FAF1: variants seen among roughly 807,000 people sequenced by gnomAD.
FAF1 encodes FAS-associated factor 1.
FAF1 carries 25 observed loss-of-function variants against 92.5 expected under a neutral mutation model. The ratio of observed to expected loss-of-function variants is 0.27; its 90% confidence interval spans 0.20 to 0.38. FAF1 has a LOEUF of 0.38. Among genes scored for constraint, FAF1 ranks in the 10% least tolerant of loss-of-function variants. FAF1 has a pLI of 1.00. For missense variants in FAF1, 636 were observed against 793.3 expected (o/e 0.80, Z 2.38); for synonymous variants, 234 against 273.2 (o/e 0.86, Z 1.42).
At chr1:50,611,325 A>C (rs922555334) in intron 8 of FAF1, among the ~76,000 whole-genome samples, 1 of 152,186 alleles carries the variant, frequency 6.6e-6, no homozygotes, top group African/African-American at 2.4e-5. Flanking sequence ...TCATTAGACA[A>C]GGTAGATATT....
chr1:50,600,508 T>C, intron 8 of FAF1, among the ~76,000 whole-genome samples: 1 of 152,132 alleles, frequency 6.6e-6, no homozygotes, highest in East Asian at 1.9e-4. Flanking sequence ...AGAAAGCTCC[T>C]TGCCACATAT....
intron 7 of FAF1, among the ~76,000 whole-genome samples, chr1:50,686,628 G>A (rs191451335): frequency 2.0e-5 from 3 of 150,254 alleles, no homozygotes; most frequent in African/African-American, 7.3e-5. Flanking sequence ...GGGGAGCGGG[G>A]GAGAGCGGAG....
chr1:50,856,486 C>T (rs1305087974), intron 2 of FAF1, among the ~76,000 whole-genome samples: 1 of 151,692 alleles, frequency 6.6e-6, no homozygotes, highest in African/African-American at 2.4e-5. Context: ...AATTTAGAGT[C>T]AAGCTATACA....
chr1:50,912,242 G>A (rs1443640303), intron 1 of FAF1, among the ~76,000 whole-genome samples: 18 of 152,202 alleles, frequency 1.2e-4, no homozygotes, highest in East Asian at 1.9e-4. Flanking sequence ...AAGTGTTTAC[G>A]GTGTTGTCCT....
At chr1:50,871,478 A>C (rs928954872) in intron 1 of FAF1, among the ~76,000 whole-genome samples, 1 of 152,186 alleles carries the variant, frequency 6.6e-6, no homozygotes, top group African/African-American at 2.4e-5. Context: ...GGTGACTTTC[A>C]ACTGAAGCCA....
At chr1:50,867,582 CT>C (rs1358540422) in intron 1 of FAF1, among the ~76,000 whole-genome samples, 2 of 152,032 alleles carry the variant, frequency 1.3e-5, no homozygotes, top group African/African-American at 4.8e-5. Context: ...TGAAAAAATG[CT>C]TGACATCACT....
At chr1:50,617,779 T>C (rs1652996543) in intron 8 of FAF1, among the ~76,000 whole-genome samples, 1 of 150,388 alleles carries the variant, frequency 6.6e-6, no homozygotes, top group Admixed American at 6.6e-5. Context: ...TGTGACTCCA[T>C]CTGGTCCAGT....
chr1:50,900,417 A>G lies in FAF1; in HGVS notation c.46-42420T>C, dbSNP rs550048822. 2.0e-5 allele frequency among the ~76,000 whole-genome samples: 3 copies of G among 152,262 alleles called. No homozygotes were observed. The South Asian group carries it at 6.2e-4, about 32-fold the overall frequency. ...CAATGGTGATTATTGTTTTCTTCTTAATTCCCTGCATTAAACAGAGTTATG... is the reference window on the plus strand; with the variant it reads ...CAATGGTGATTATTGTTTTCTTCTTGATTCCCTGCATTAAACAGAGTTATG... On this transcript the variant is annotated intron_variant, in intron 1 of 18. Coordinates refer to ENST00000396153, the MANE Select transcript of FAF1 (RefSeq NM_007051.3).
chr1:50,798,546 C>T (rs1307212681), intron 3 of FAF1, among the ~76,000 whole-genome samples: 1 of 152,170 alleles, frequency 6.6e-6, no homozygotes, highest in Non-Finnish European at 1.5e-5. Flanking sequence ...TACACAGACT[C>T]AGTGTCTGTT....
intron 1 of FAF1, among the ~76,000 whole-genome samples, chr1:50,881,686 T>A (rs1172723450): frequency 6.6e-6 from 1 of 152,174 alleles, no homozygotes; most frequent in African/African-American, 2.4e-5. Flanking sequence ...TGATGTTGTT[T>A]TCCATATAGC....
chr1:50,608,357 G>A (rs1290352052), intron 8 of FAF1, among the ~76,000 whole-genome samples: 1 of 152,090 alleles, frequency 6.6e-6, no homozygotes, highest in African/African-American at 2.4e-5. Flanking sequence ...GTTCAGTCCC[G>A]CCTTGCACCT....
At chr1:50,510,291 T>C (rs1293859650) in intron 15 of FAF1, among the ~76,000 whole-genome samples, 1 of 152,044 alleles carries the variant, frequency 6.6e-6, no homozygotes, top group African/African-American at 2.4e-5. Flanking sequence ...ATTAACCTAA[T>C]AATAATCCCA....
At position 50,582,925 on chromosome 1, in the gene FAF1, A is replaced by G. The variant is rs74080009; in HGVS notation, c.1032-226T>C. Among the ~76,000 whole-genome samples the G allele has an allele frequency of 7.7e-3, 1,172 of 152,272 alleles. 13 individuals are homozygous for G. The highest frequency in any genetic ancestry group is 0.027 in the African/African-American group (1,132 of 41,574). ...CTGGAATTTTAAGTACACTTAGCAA[A>G]TGAATTTAATAAGTGCTATAAAACC... On this transcript the variant is annotated intron_variant, in intron 11 of 18. Transcript: ENST00000396153.
chr1:50,903,450 A>G (rs1386148439), intron 1 of FAF1, among the ~76,000 whole-genome samples: 1 of 152,090 alleles, frequency 6.6e-6, no homozygotes, highest in African/African-American at 2.4e-5. Context: ...TCATCTTATA[A>G]CTATATCTAG....
intron 15 of FAF1, among the ~76,000 whole-genome samples, chr1:50,519,513 A>C (rs1288041551): frequency 6.6e-6 from 1 of 152,088 alleles, no homozygotes. Flanking sequence ...AGTCTGCTAC[A>C]ATTTTTGATA....
At chr1:50,719,291 C>A (rs1297182421) in intron 6 of FAF1, among the ~76,000 whole-genome samples, 1 of 152,168 alleles carries the variant, frequency 6.6e-6, no homozygotes, top group Non-Finnish European at 1.5e-5. Context: ...TTAATTAACA[C>A]CCTGCTACAG....
intron 6 of FAF1, among the ~76,000 whole-genome samples, chr1:50,730,664 C>CA (rs779449730): frequency 1.3e-5 from 2 of 152,204 alleles, no homozygotes; most frequent in Non-Finnish European, 2.9e-5. Context: ...CTACTCTTGA[C>CA]AGAGTTTCCA....
At chr1:50,872,625 G>C (rs188001565) in intron 1 of FAF1, among the ~76,000 whole-genome samples, 1 of 152,212 alleles carries the variant, frequency 6.6e-6, no homozygotes, top group East Asian at 1.9e-4. Flanking sequence ...GGCTGGGCGC[G>C]GTGGCTCATG....
intron 7 of FAF1, among the ~76,000 whole-genome samples, chr1:50,693,791 A>T (rs2124398921): frequency 6.6e-6 from 1 of 152,238 alleles, no homozygotes; most frequent in South Asian, 2.1e-4. Flanking sequence ...GTCACTGCCT[A>T]CAGACTAGCA....
Sources: allele counts gnomAD v4.1 joint callset (sites outside exome capture counted in the v4.1 genomes callset), GRCh38; gene constraint gnomAD v4.1.1; transcripts MANE v1.5; gene names NCBI Gene and HGNC (gene_info 2026-07-23, HGNC 2026-07-21).